MARCHF1: variants seen among roughly 807,000 people sequenced by gnomAD.
MARCHF1 encodes membrane associated ring-CH-type finger 1.
Under a neutral mutation model 54.2 loss-of-function variants are expected in MARCHF1, and 40 were observed. The observed-to-expected ratio is 0.74, with a 90% CI of 0.57 to 0.96. The LOEUF is 0.96. Ranked by LOEUF, MARCHF1 falls within the 40% of genes least tolerant of loss-of-function variation. The pLI is 0.00. For missense variants in MARCHF1, 586 were observed against 656.5 expected (o/e 0.89, Z 1.17); for synonymous variants, 236 against 236.3 (o/e 1.00, Z 0.01).
chr4:163,790,897 C>G (rs980007316), intron 4 of MARCHF1, among the ~76,000 whole-genome samples: 1 of 152,036 alleles, frequency 6.6e-6, no homozygotes, highest in African/African-American at 2.4e-5. Context: ...AATTAAGGGG[C>G]AAGTATTTAT....
intron 1 of MARCHF1, chr4:164,135,537 A>G (rs1394892869): frequency 1.3e-5 from 2 of 152,192 alleles, no homozygotes; most frequent in African/African-American, 4.8e-5. Context: ...AGTGCAGAGA[A>G]GGGTGGAAAA....
rs183513928 is a variant in MARCHF1, at chr4:164,002,485, A to G, written c.-247-13776T>C. Among the ~76,000 whole-genome samples, 5 of 151,850 alleles carry G rather than the reference A, an allele frequency of 3.3e-5. No homozygotes were observed. The South Asian group carries it at 8.3e-4, about 25-fold the overall frequency. On this transcript the variant is annotated intron_variant, in intron 2 of 9. Transcript: ENST00000514618. ...AGATGTTACAGAAAAAGATAATTGA[A>G]CCTGAAAACATAGCAATAGATAATG...
chr4:163,525,156 G>C lies in MARCHF1; in HGVS notation c.*3592C>G, dbSNP rs1261427976. ...TAATATTCATTTTCAAGGCAAGGAAGGGTAAACTATATGGGGCAGATAGAA... is the reference window on the plus strand; with the variant it reads ...TAATATTCATTTTCAAGGCAAGGAACGGTAAACTATATGGGGCAGATAGAA... On this transcript the variant is annotated 3_prime_UTR_variant, in exon 10 of 10. Transcript: ENST00000514618. 6.6e-6 allele frequency: 1 copy of C among 152,144 alleles called. No individual in the cohort carries two copies. The highest frequency in any genetic ancestry group is 1.9e-4 in the East Asian group (1 of 5,200). 9.4% of individuals were successfully genotyped at this position (152,144 alleles called of 1,614,324 possible). A position where few individuals can be genotyped will look rare whatever the true frequency, so the allele number is the denominator to read the frequency against.
intron 4 of MARCHF1, among the ~76,000 whole-genome samples, chr4:163,786,864 A>C (rs1747636612): frequency 6.6e-6 from 1 of 151,996 alleles, no homozygotes; most frequent in African/African-American, 2.4e-5. Flanking sequence ...AATCCATACA[A>C]TGTGGTACTG....
intron 1 of MARCHF1, among the ~76,000 whole-genome samples, chr4:164,150,580 G>C (rs576447123): frequency 6.6e-6 from 1 of 152,214 alleles, no homozygotes; most frequent in East Asian, 1.9e-4. Flanking sequence ...TTTAAGCTTG[G>C]CTCTGCTCTG....
chr4:164,116,062 C>T (rs971146622), intron 1 of MARCHF1, among the ~76,000 whole-genome samples: 3 of 152,016 alleles, frequency 2.0e-5, no homozygotes, highest in Non-Finnish European at 4.4e-5. Flanking sequence ...TTTACTTCAT[C>T]AAACTTTAGA....
intron 3 of MARCHF1, among the ~76,000 whole-genome samples, chr4:163,939,099 G>GGGC (rs892850242): frequency 1.3e-5 from 2 of 152,146 alleles, no homozygotes; most frequent in Non-Finnish European, 2.9e-5. Context: ...AGTAGGTAGA[G>GGGC]ACTTTATATT....
chr4:164,201,057 T>C (rs1244906353), intron 1 of MARCHF1, among the ~76,000 whole-genome samples: 3 of 152,182 alleles, frequency 2.0e-5, no homozygotes, highest in Non-Finnish European at 4.4e-5. Flanking sequence ...GGGAAAAGCA[T>C]GGCGGAAGAA....
intron 1 of MARCHF1, among the ~76,000 whole-genome samples, chr4:164,367,011 T>C (rs1730898808): frequency 6.6e-6 from 1 of 152,090 alleles, no homozygotes; most frequent in Non-Finnish European, 1.5e-5. Context: ...TTTCTTCCAT[T>C]CTTTTAGGTA....
chr4:164,207,755 G>T (rs1579624030), intron 1 of MARCHF1, among the ~76,000 whole-genome samples: 1 of 152,128 alleles, frequency 6.6e-6, no homozygotes, highest in African/African-American at 2.4e-5. Context: ...ACCAGGTATG[G>T]GAGCTAAATG....
chr4:163,854,908 GT>G (rs1168087353), intron 3 of MARCHF1, among the ~76,000 whole-genome samples: 2 of 152,082 alleles, frequency 1.3e-5, no homozygotes, highest in Non-Finnish European at 2.9e-5. Context: ...CCCCTGTAAA[GT>G]TTTACAGCCT....
intron 4 of MARCHF1, among the ~76,000 whole-genome samples, chr4:163,742,915 C>A (rs573648173): frequency 2.7e-5 from 4 of 150,224 alleles, no homozygotes; most frequent in African/African-American, 7.3e-5. Context: ...GACAAGATAC[C>A]ATTTTAAAGT....
rs375318595 is a variant in MARCHF1 at position 163,628,335 on chromosome 4, G to T, written c.163-14942C>A. On this transcript the variant is annotated intron_variant, in intron 5 of 9. Coordinates refer to ENST00000514618, the MANE Select transcript of MARCHF1 (RefSeq NM_001394959.1). ...GATTATCTCAATAGATGCAGAAAAG[G>T]CCTTCCGTAAAATTCAACATGCTAA... is the stretch of plus-strand genomic sequence containing the variant. Among the ~76,000 whole-genome samples the T allele has an allele frequency of 1.2e-4, 18 of 152,186 alleles. No homozygotes were observed. The East Asian group carries it at 2.7e-3, about 23-fold the overall frequency.
intron 1 of MARCHF1, among the ~76,000 whole-genome samples, chr4:164,124,909 T>C (rs1756147830): frequency 6.6e-6 from 1 of 152,110 alleles, no homozygotes; most frequent in Admixed American, 6.6e-5. Context: ...AACATAATTA[T>C]ATATTTTAAA....
chr4:164,381,585 G>A (rs890949670), intron 1 of MARCHF1, among the ~76,000 whole-genome samples: 2 of 152,142 alleles, frequency 1.3e-5, no homozygotes, highest in Non-Finnish European at 2.9e-5. Flanking sequence ...CAAAAACCAT[G>A]AGCCAAACAC....
intron 4 of MARCHF1, among the ~76,000 whole-genome samples, chr4:163,811,726 T>C (rs1748394151): frequency 6.6e-6 from 1 of 152,210 alleles, no homozygotes; most frequent in Admixed American, 6.5e-5. Flanking sequence ...ACTATAATAG[T>C]AATGATTCAG....
intron 4 of MARCHF1, among the ~76,000 whole-genome samples, chr4:163,720,935 C>G (rs535168489): frequency 6.6e-6 from 1 of 152,130 alleles, no homozygotes; most frequent in Non-Finnish European, 1.5e-5. Flanking sequence ...TGGGCTGAGA[C>G]GATGGGGTTT....
At chr4:164,095,050 CTTAACAATGGCCTAAGCA>C (rs1217481717) in intron 2 of MARCHF1, among the ~76,000 whole-genome samples, 12 of 152,224 alleles carry the variant, frequency 7.9e-5, no homozygotes, top group Admixed American at 2.0e-4. Flanking sequence ...GTTAACAATG[CTTAACAATGGCCTAAGCA>C]TTTTAGTTGA....
chr4:164,070,554 C>G (rs934282499), intron 2 of MARCHF1, among the ~76,000 whole-genome samples: 3 of 151,886 alleles, frequency 2.0e-5, no homozygotes, highest in Admixed American at 6.6e-5. Flanking sequence ...TACATTCACA[C>G]CAGCTGTCCC....
Sources: allele counts gnomAD v4.1 joint callset (sites outside exome capture counted in the v4.1 genomes callset), GRCh38; gene constraint gnomAD v4.1.1; transcripts MANE v1.5; gene names NCBI Gene and HGNC (gene_info 2026-07-23, HGNC 2026-07-21).